Variants in XPR1 observed in about 807,000 individuals in gnomAD.
XPR1 encodes solute carrier family 53 member 1.
A neutral mutation model predicts 87.5 loss-of-function variants in XPR1; 28 were observed. The ratio of observed to expected loss-of-function variants is 0.32; its 90% CI spans 0.24 to 0.44. The LOEUF (loss-of-function observed/expected upper bound fraction) is 0.44. XPR1 is among the 20% of genes least tolerant of loss of function. The pLI is 1.00. For missense variants in XPR1, 559 were observed against 862.3 expected, an observed-to-expected ratio of 0.65 and a Z score of 4.41; for synonymous variants, 300 against 306.1, an observed-to-expected ratio of 0.98 and a Z score of 0.21.
intron 2 of XPR1, among the ~76,000 whole-genome samples, chr1:180,739,694 G>A (rs1658855700): frequency 6.6e-6 from 1 of 152,046 alleles, no homozygotes; most frequent in African/African-American, 2.4e-5. Flanking sequence ...TGTTGTAAAT[G>A]GTATGTTGTT....
chr1:180,665,026 C>G (rs1557946563), intron 1 of XPR1, among the ~76,000 whole-genome samples: 1 of 152,208 alleles, frequency 6.6e-6, no homozygotes, highest in Non-Finnish European at 1.5e-5. Flanking sequence ...TTCATCCATT[C>G]TCACACTGTT....
At chr1:180,790,973 C>T (rs1649356151) in intron 3 of XPR1, among the ~76,000 whole-genome samples, 1 of 151,894 alleles carries the variant, frequency 6.6e-6, no homozygotes, top group Non-Finnish European at 1.5e-5. Context: ...TAAAGAGGAA[C>T]CAGCAATGTA....
At chr1:180,654,969 A>G (rs995831420) in intron 1 of XPR1, among the ~76,000 whole-genome samples, 2 of 152,190 alleles carry the variant, frequency 1.3e-5, no homozygotes, top group Non-Finnish European at 2.9e-5. Context: ...CTTATAAAAA[A>G]TCAAAATCTA....
chr1:180,767,451 A>T (rs1482594911), intron 2 of XPR1, among the ~76,000 whole-genome samples: 1 of 152,174 alleles, frequency 6.6e-6, no homozygotes, highest in Admixed American at 6.5e-5. Flanking sequence ...GAATTTTTAA[A>T]ATACATAAAC....
chr1:180,855,917 T>C (rs1652014093), intron 11 of XPR1, among the ~76,000 whole-genome samples: 1 of 152,144 alleles, frequency 6.6e-6, no homozygotes, highest in African/African-American at 2.4e-5. Context: ...TGTGCACTGC[T>C]CTCATTTCCC....
At position 180,632,177 on chromosome 1, in the gene XPR1, G is replaced by C; in HGVS notation, c.-25G>C. On this transcript the variant is annotated 5_prime_UTR_variant, in exon 1 of 15. Coordinates refer to ENST00000367590, the MANE Select transcript of XPR1 (RefSeq NM_004736.4). ...CGCCGCCTGTAGCTGCTGGACCCGA[G>C]TGGGAGTGAGGGGGAAACGGCAGGA... The C allele has an allele frequency of 6.3e-7, 1 of 1,598,592 alleles. No homozygotes were observed.
intron 2 of XPR1, among the ~76,000 whole-genome samples, chr1:180,684,896 G>A (rs1024942899): frequency 6.6e-6 from 1 of 152,182 alleles, no homozygotes; most frequent in Non-Finnish European, 1.5e-5. Flanking sequence ...CTGAGACGAT[G>A]AGGTTTTCTA....
chr1:180,799,219 G>A (rs1286001630), intron 3 of XPR1, among the ~76,000 whole-genome samples: 1 of 152,156 alleles, frequency 6.6e-6, no homozygotes, highest in East Asian at 1.9e-4. Context: ...CAGAGTTTAA[G>A]TTGTAGATTG....
At chr1:180,866,144 C>A (rs925452873) in intron 12 of XPR1, among the ~76,000 whole-genome samples, 1 of 151,868 alleles carries the variant, frequency 6.6e-6, no homozygotes, top group Admixed American at 6.6e-5. Context: ...CCCTGGAGTT[C>A]AAGACTGCAG....
chr1:180,696,958 T>G, intron 2 of XPR1, among the ~76,000 whole-genome samples: 1 of 152,142 alleles, frequency 6.6e-6, no homozygotes, highest in Non-Finnish European at 1.5e-5. Context: ...TTGTTGTGTC[T>G]TTGTCTGATT....
intron 1 of XPR1, among the ~76,000 whole-genome samples, chr1:180,658,637 T>TCA (rs1364122223): frequency 6.6e-6 from 1 of 152,048 alleles, no homozygotes; most frequent in Admixed American, 6.6e-5. Context: ...CGATCTTGGC[T>TCA]CACTGCAAGC....
At chr1:180,849,798 G>C (rs1325504316) in intron 11 of XPR1, among the ~76,000 whole-genome samples, 1 of 152,148 alleles carries the variant, frequency 6.6e-6, no homozygotes, top group Non-Finnish European at 1.5e-5. Flanking sequence ...GGACATATGT[G>C]TAAGTTTTCA....
chr1:180,857,657 G>T (rs12080481), intron 11 of XPR1, among the ~76,000 whole-genome samples: 6,529 of 151,948 alleles, frequency 0.043, 493 homozygotes, highest in African/African-American at 0.15. Flanking sequence ...CCTATACATT[G>T]TGTTTTTGAC....
At chr1:180,863,571 G>A (rs1276996766) in intron 11 of XPR1, 137 bp from the exon 12 acceptor site, 1 of 633,512 alleles carries the variant, frequency 1.6e-6, no homozygotes, top group African/African-American at 1.9e-5. Context: ...GTTAGACAGT[G>A]ATCTTCCTAC....
At chr1:180,649,671 A>G (rs550916781) in intron 1 of XPR1, among the ~76,000 whole-genome samples, 1 of 152,298 alleles carries the variant, frequency 6.6e-6, no homozygotes, top group South Asian at 2.1e-4. Context: ...AGTTAGATGG[A>G]GGAAGTGGGC....
intron 11 of XPR1, among the ~76,000 whole-genome samples, chr1:180,840,936 G>C (rs756051095): frequency 5.3e-5 from 8 of 151,904 alleles, no homozygotes; most frequent in Admixed American, 5.3e-4. Flanking sequence ...GTAACATGCC[G>C]TGCTAAGCAC....
At chr1:180,643,472 A>G (rs1260315773) in intron 1 of XPR1, among the ~76,000 whole-genome samples, 6 of 152,166 alleles carry the variant, frequency 3.9e-5, no homozygotes, top group Non-Finnish European at 7.4e-5. Flanking sequence ...AATGCCTACT[A>G]TTTGTCAGAC....
At chr1:180,712,500 GGGCTAT>G (rs1488841529) in intron 2 of XPR1, among the ~76,000 whole-genome samples, 2 of 152,112 alleles carry the variant, frequency 1.3e-5, no homozygotes, top group Admixed American at 1.3e-4. Context: ...TAGTTTAAGG[GGGCTAT>G]TTTATTTGTC....
intron 1 of XPR1, among the ~76,000 whole-genome samples, chr1:180,653,714 C>T (rs537806983): frequency 6.6e-5 from 10 of 152,196 alleles, no homozygotes; most frequent in African/African-American, 1.7e-4. Flanking sequence ...TAAAATAATA[C>T]GCCAGAATCA....
Sources: gnomAD v4.1 joint callset for allele counts (sites outside exome capture counted in the v4.1 genomes callset) on GRCh38, gnomAD v4.1.1 for gene constraint, MANE v1.5 for transcripts, NCBI Gene and HGNC (gene_info 2026-07-23, HGNC 2026-07-21) for gene names.